Variants in EXT1 observed in about 807,000 individuals in gnomAD.
EXT1 encodes the protein exostosin glycosyltransferase 1.
In EXT1, 20 loss-of-function variants were observed where a neutral mutation model predicts 82.5. The ratio of observed to expected loss-of-function variants is 0.24; its 90% CI spans 0.17 to 0.35. The LOEUF is 0.35. EXT1 is among the 10% of genes least tolerant of loss of function. EXT1 has a pLI of 1.00. For synonymous variants in EXT1, 348 were observed against 350.8 expected (o/e 0.99, Z 0.09); for missense variants, 757 against 936.5 (o/e 0.81, Z 2.50).
At chr8:118,087,095 G>T (rs1157804392) in intron 1 of EXT1, among the ~76,000 whole-genome samples, 2 of 152,180 alleles carry the variant, frequency 1.3e-5, no homozygotes, top group Non-Finnish European at 2.9e-5. Flanking sequence ...CAAGGCTCGT[G>T]CCCAGCGCTG....
In EXT1 at chr8:117,809,242, T is replaced by TATATATATATATATATATA. The variant is rs796605483; in HGVS notation, c.1723-1866_1723-1865insTATATATATATATATATAT. On this transcript the variant is annotated intron_variant, in intron 8 of 10. Coordinates refer to ENST00000378204, the MANE Select transcript of EXT1 (RefSeq NM_000127.3). ...AAATATATATATATATATATATATA[T>TATATATATATATATATATA]ATTATGTTCTATTGATTCTGTTTGC... is the stretch of plus-strand genomic sequence containing the variant. 3.5e-4 allele frequency among the ~76,000 whole-genome samples: 49 copies of TATATATATATATATATATA among 141,206 alleles called. 4 individuals are homozygous for TATATATATATATATATATA. The East Asian group carries it at 8.1e-3, about 23-fold the overall frequency. The allele number at this position is 141,206 out of a possible 152,430, so 92.6% of individuals were successfully genotyped here.
chr8:117,898,821 A>C (rs888333978), intron 1 of EXT1, among the ~76,000 whole-genome samples: 1 of 149,048 alleles, frequency 6.7e-6, no homozygotes, highest in Non-Finnish European at 1.5e-5. Flanking sequence ...CCCAGACGGC[A>C]GGAAAAAAAA....
At chr8:117,972,789 G>A (rs1563617326) in intron 1 of EXT1, among the ~76,000 whole-genome samples, 1 of 152,144 alleles carries the variant, frequency 6.6e-6, no homozygotes, top group Admixed American at 6.5e-5. Flanking sequence ...AAGAAGTGCA[G>A]AGTGAAGAGG....
At chr8:117,856,084 G>A (rs1451502631) in intron 1 of EXT1, among the ~76,000 whole-genome samples, 1 of 152,178 alleles carries the variant, frequency 6.6e-6, no homozygotes, top group Non-Finnish European at 1.5e-5. Context: ...AGTCATGAAT[G>A]CAAAGGAAAA....
intron 3 of EXT1, among the ~76,000 whole-genome samples, chr8:117,831,039 G>A (rs1360565004): frequency 2.0e-5 from 3 of 152,166 alleles, no homozygotes; most frequent in Non-Finnish European, 4.4e-5. Context: ...CACATTTTCA[G>A]GTTAGCAGAG....
At chr8:118,072,300 T>G (rs941239401) in intron 1 of EXT1, among the ~76,000 whole-genome samples, 4 of 152,244 alleles carry the variant, frequency 2.6e-5, no homozygotes, top group African/African-American at 9.6e-5. Flanking sequence ...CTGAGCATGC[T>G]TTAAGTACAT....
chr8:118,049,319 T>A (rs1484476990), intron 1 of EXT1, among the ~76,000 whole-genome samples: 1 of 152,250 alleles, frequency 6.6e-6, no homozygotes, highest in Non-Finnish European at 1.5e-5. Flanking sequence ...TGCTACCACA[T>A]ATATTAGTAA....
intron 1 of EXT1, among the ~76,000 whole-genome samples, chr8:118,094,107 C>T (rs2445906): frequency 0.51 from 77,336 of 152,102 alleles, 21,888 homozygotes; most frequent in Middle Eastern, 0.67. Context: ...AGGTGACCGA[C>T]CCCCAGCACA....
chr8:117,968,138 G>A (rs201891233), intron 1 of EXT1, among the ~76,000 whole-genome samples: 1 of 151,822 alleles, frequency 6.6e-6, no homozygotes, highest in East Asian at 1.9e-4. Context: ...TTGAGACAGG[G>A]TCTGTCACTC....
chr8:117,835,388 T>A lies in EXT1; in HGVS notation c.1164+56A>T, dbSNP rs1204234206. 5 of 1,340,740 alleles carry A rather than the reference T, an allele frequency of 3.7e-6. No homozygotes were observed. The Admixed American group carries it at 6.8e-5, about 18-fold the overall frequency. 83.1% of individuals were successfully genotyped at this position (1,340,740 alleles called of 1,614,324 possible). A position where few individuals can be genotyped will look rare whatever the true frequency, so the allele number is the denominator to read the frequency against. On this transcript the variant is annotated intron_variant, in intron 3 of 10. Coordinates refer to ENST00000378204, the MANE Select transcript of EXT1 (RefSeq NM_000127.3). ...TTTGGATTCATCTTCTTTGAAAGTT[T>A]GGACGGGGGCAGCAATAATCTGCTG...
intron 1 of EXT1, among the ~76,000 whole-genome samples, chr8:118,012,293 GGACA>G (rs1391958055): frequency 6.6e-6 from 1 of 152,234 alleles, no homozygotes; most frequent in Non-Finnish European, 1.5e-5. Context: ...AGACCACACA[GGACA>G]GAGTTTCTTC....
chr8:118,007,930 C>T (rs1815813019), intron 1 of EXT1, among the ~76,000 whole-genome samples: 1 of 152,180 alleles, frequency 6.6e-6, no homozygotes, highest in Admixed American at 6.6e-5. Flanking sequence ...GCAGTGCTGG[C>T]AGAGGAGGCA....
chr8:117,976,209 A>G (rs1362791041), intron 1 of EXT1, among the ~76,000 whole-genome samples: 2 of 152,224 alleles, frequency 1.3e-5, no homozygotes, highest in Admixed American at 1.3e-4. Context: ...ATGTAAATCT[A>G]TTATCTTGCA....
At chr8:117,924,486 A>C (rs547641086) in intron 1 of EXT1, among the ~76,000 whole-genome samples, 1 of 152,356 alleles carries the variant, frequency 6.6e-6, no homozygotes, top group East Asian at 1.9e-4. Flanking sequence ...ACATCTTTCC[A>C]AACCTTCTGA....
intron 1 of EXT1, among the ~76,000 whole-genome samples, chr8:118,053,477 A>G (rs1816749938): frequency 6.6e-6 from 1 of 152,234 alleles, no homozygotes; most frequent in Admixed American, 6.5e-5. Flanking sequence ...GGGACAAAGT[A>G]CATTTTCCAC....
In EXT1 at chr8:118,111,201, AC is replaced by A; in HGVS notation, c.-156del. On this transcript the variant is annotated 5_prime_UTR_variant, in exon 1 of 11. The change creates a premature stop within an existing upstream ORF in the 5' untranslated region. Coordinates refer to ENST00000378204, the MANE Select transcript of EXT1 (RefSeq NM_000127.3). ...CTGGATGCCTTTCCCCAAGCCGTGG[AC>A]TGATCCAGCGCATGTGGGCGATTTC... 1 of 1,088,626 alleles carries A rather than the reference AC, an allele frequency of 9.2e-7. No individual in the cohort carries two copies. Among genetic ancestry groups the A allele is most frequent in the Non-Finnish European group, 1.3e-6 (1 of 743,580 alleles). The allele number at this position is 1,088,626 out of a possible 1,614,324, so 67.4% of individuals were successfully genotyped here.
intron 4 of EXT1, 147 bp downstream of exon 4, chr8:117,830,083 T>C (rs1408210268): frequency 5.0e-6 from 5 of 994,270 alleles, no homozygotes; most frequent in Non-Finnish European, 7.6e-6. Context: ...GCAAAGCAGG[T>C]AAAAGAGGTT....
At chr8:118,015,302 G>C (rs1437244942) in intron 1 of EXT1, among the ~76,000 whole-genome samples, 1 of 152,186 alleles carries the variant, frequency 6.6e-6, no homozygotes, top group Admixed American at 6.5e-5. Context: ...ACTCGAGAGA[G>C]GGGGTAATGT....
intron 1 of EXT1, among the ~76,000 whole-genome samples, chr8:118,100,978 C>T (rs976696481): frequency 2.6e-5 from 4 of 152,104 alleles, no homozygotes; most frequent in African/African-American, 9.7e-5. Flanking sequence ...TTCCTGAGGA[C>T]TTAAGTATCA....
Sources: allele counts gnomAD v4.1 joint callset (sites outside exome capture counted in the v4.1 genomes callset), GRCh38; gene constraint gnomAD v4.1.1; transcripts MANE v1.5; gene names NCBI Gene and HGNC (gene_info 2026-07-23, HGNC 2026-07-21).